CHN2: variants seen among roughly 807,000 people sequenced by gnomAD.
CHN2 encodes the protein beta-chimaerin.
Under a neutral mutation model 56.3 loss-of-function variants are expected in CHN2, and 35 were observed. The ratio of observed to expected loss-of-function variants is 0.62; its 90% CI spans 0.47 to 0.82. The LOEUF (loss-of-function observed/expected upper bound fraction) is 0.82, where lower values mean the gene tolerates loss of function less well. CHN2 is among the 40% of genes least tolerant of loss of function. The probability of loss-of-function intolerance (pLI) is 0.00; values close to 1 mark genes in which losing one functional copy is unlikely to be tolerated. For synonymous variants in CHN2, 210 were observed against 212.8 expected, an observed-to-expected ratio of 0.99 and a Z score of 0.12; for missense variants, 491 against 580.5, an observed-to-expected ratio of 0.85 and a Z score of 1.58.
At chr7:29,294,982 G>A (rs779651644) in intron 1 of CHN2, among the ~76,000 whole-genome samples, 2 of 152,072 alleles carry the variant, frequency 1.3e-5, no homozygotes, top group Non-Finnish European at 2.9e-5. Flanking sequence ...TGCAGGATTG[G>A]TTCCCTGGAC....
chr7:29,514,238 T>C lies in CHN2; in HGVS notation c.*1503T>C, dbSNP rs1467437325. 6.6e-6 allele frequency: 1 copy of C among 152,628 alleles called. No homozygotes were observed. The highest frequency in any genetic ancestry group is 1.5e-5 in the Non-Finnish European group (1 of 68,040). The allele number at this position is 152,628 out of a possible 1,614,324, so 9.5% of individuals were successfully genotyped here. On this transcript the variant is annotated 3_prime_UTR_variant, in exon 13 of 13. Transcript: ENST00000222792. ...CTGTCAAAAAATTATCTGGAAATGG[T>C]TTTATTTTGTGAAGTGAACAATACT...
chr7:29,495,988 T>C lies in CHN2; in HGVS notation c.691T>C (p.Cys231Arg). 1 of 1,612,824 alleles carries C rather than the reference T, an allele frequency of 6.2e-7. No homozygotes were observed. Among genetic ancestry groups the C allele is most frequent in the Non-Finnish European group, 8.5e-7 (1 of 1,179,632 alleles). Residue 231 changes from cysteine (C) to arginine (R), a missense_variant, in exon 8 of 13, where the codon TGT becomes CGT. By Grantham distance (180) the Cys-to-Arg change is radical. Coordinates refer to ENST00000222792, the MANE Select transcript of CHN2 (RefSeq NM_004067.4). ...CCGAGGCCCACACTGGTGTGAATAT[T>C]GTGCCAATTTCATGTGGGGGCTCAT... ...TFRGPHWCEY[C>R]ANFMWGLIAQ...
intron 1 of CHN2, among the ~76,000 whole-genome samples, chr7:29,342,987 G>A (rs1016022678): frequency 1.1e-4 from 17 of 152,236 alleles, no homozygotes; most frequent in Non-Finnish European, 2.1e-4. Flanking sequence ...CAGTTAGGGC[G>A]TAAGCTCTGG....
intron 2 of CHN2, among the ~76,000 whole-genome samples, chr7:29,178,886 AC>A (rs1256996851): frequency 6.6e-6 from 1 of 152,222 alleles, no homozygotes; most frequent in African/African-American, 2.4e-5. Context: ...AAGGTTAACT[AC>A]TATGTAAAGA....
At chr7:29,151,309 AC>A (rs1378641957) in intron 2 of CHN2, among the ~76,000 whole-genome samples, 1 of 152,140 alleles carries the variant, frequency 6.6e-6, no homozygotes, top group African/African-American at 2.4e-5. Flanking sequence ...AAATTAATCT[AC>A]GTCTTTTGTA....
rs1784050554 is a variant in CHN2, at chr7:29,446,590, G to A, written c.577-33689G>A. 2.0e-5 allele frequency among the ~76,000 whole-genome samples: 3 copies of A among 152,182 alleles called. No individual in the cohort carries two copies. The South Asian group carries it at 6.2e-4, about 31-fold the overall frequency. On this transcript the variant is annotated intron_variant, in intron 6 of 12. Coordinates refer to ENST00000222792, the MANE Select transcript of CHN2 (RefSeq NM_004067.4). ...GGCCCAGGGGACTTTCTGAGTTGCT[G>A]TGGGTCCAGCAGCTAGAGTTCACAC...
chr7:29,261,893 C>T (rs557393072), intron 1 of CHN2, among the ~76,000 whole-genome samples: 12 of 152,290 alleles, frequency 7.9e-5, no homozygotes, highest in Middle Eastern at 3.4e-3. Flanking sequence ...GTGCACCAGG[C>T]GTGGTGGGTT....
chr7:29,176,465 A>AT (rs1272859056), intron 2 of CHN2, among the ~76,000 whole-genome samples: 1 of 152,206 alleles, frequency 6.6e-6, no homozygotes, highest in Non-Finnish European at 1.5e-5. Flanking sequence ...CATTAGCAGT[A>AT]TGTCTCTTCA....
intron 6 of CHN2, among the ~76,000 whole-genome samples, chr7:29,440,820 C>T (rs1783593155): frequency 6.6e-6 from 1 of 151,910 alleles, no homozygotes; most frequent in Non-Finnish European, 1.5e-5. Flanking sequence ...AGAAGAAAGC[C>T]CATACATCTG....
At chr7:29,463,709 G>A (rs1387898144) in intron 6 of CHN2, among the ~76,000 whole-genome samples, 2 of 152,176 alleles carry the variant, frequency 1.3e-5, no homozygotes, top group Non-Finnish European at 2.9e-5. Flanking sequence ...GAGTTAAACA[G>A]GTCACAATGT....
intron 1 of CHN2, among the ~76,000 whole-genome samples, chr7:29,219,954 A>G (rs1429264014): frequency 6.6e-6 from 1 of 152,152 alleles, no homozygotes; most frequent in African/African-American, 2.4e-5. Flanking sequence ...ACACGCCTAT[A>G]GTCCCAGCTA....
chr7:29,301,092 T>C (rs564200120), intron 1 of CHN2, among the ~76,000 whole-genome samples: 1 of 152,328 alleles, frequency 6.6e-6, no homozygotes, highest in African/African-American at 2.4e-5. Flanking sequence ...AATACTGTCA[T>C]TTGTATAGTC....
intron 2 of CHN2, chr7:29,147,141 A>G (rs1331786002): frequency 1.0e-5 from 8 of 791,190 alleles, no homozygotes; most frequent in African/African-American, 3.5e-5. Flanking sequence ...CTGAGTGTAT[A>G]TTATTAGCCA....
chr7:29,454,986 GA>G (rs1562620335), intron 6 of CHN2, among the ~76,000 whole-genome samples: 2 of 151,948 alleles, frequency 1.3e-5, no homozygotes, highest in African/African-American at 4.8e-5. Flanking sequence ...CAATTTTATG[GA>G]TCCTTTTAGA....
At chr7:29,467,418 CT>C (rs772812981) in intron 6 of CHN2, among the ~76,000 whole-genome samples, 13 of 152,146 alleles carry the variant, frequency 8.5e-5, no homozygotes, top group Non-Finnish European at 1.6e-4. Flanking sequence ...TGGATCAGAT[CT>C]GTTGTTGCAT....
intron 1 of CHN2, among the ~76,000 whole-genome samples, chr7:29,305,363 C>T (rs1022760681): frequency 6.6e-6 from 1 of 152,116 alleles, no homozygotes; most frequent in Non-Finnish European, 1.5e-5. Flanking sequence ...GAAAACATCC[C>T]TTTACCTGCT....
At chr7:29,371,116 T>G (rs750897093) in intron 3 of CHN2, among the ~76,000 whole-genome samples, 4 of 152,230 alleles carry the variant, frequency 2.6e-5, no homozygotes, top group Non-Finnish European at 4.4e-5. Context: ...ATGTTCATGA[T>G]TCATGGCAGA....
intron 7 of CHN2, among the ~76,000 whole-genome samples, chr7:29,481,963 G>A (rs1787303617): frequency 6.6e-6 from 1 of 152,160 alleles, no homozygotes; most frequent in Admixed American, 6.5e-5. Context: ...AATATACATA[G>A]TTGATATTTT....
intron 3 of CHN2, among the ~76,000 whole-genome samples, chr7:29,388,022 C>A (rs1801059533): frequency 6.6e-6 from 1 of 152,022 alleles, no homozygotes; most frequent in African/African-American, 2.4e-5. Context: ...ATTAGATTGT[C>A]AGGTAATTAT....
Sources: gnomAD v4.1 joint callset for allele counts (sites outside exome capture counted in the v4.1 genomes callset) on GRCh38, gnomAD v4.1.1 for gene constraint, MANE v1.5 for transcripts, NCBI Gene and HGNC (gene_info 2026-07-23, HGNC 2026-07-21) for gene names.